Variants in PDE4D observed in about 807,000 individuals in gnomAD.
PDE4D encodes the protein 3',5'-cyclic-AMP phosphodiesterase 4D.
PDE4D carries 24 observed loss-of-function variants against 87.4 expected under a neutral mutation model. That is an observed-to-expected ratio of 0.27 (90% CI 0.20 to 0.39). The LOEUF (loss-of-function observed/expected upper bound fraction) is 0.39, where lower values mean the gene tolerates loss of function less well. Among genes scored for constraint, PDE4D ranks in the 10% least tolerant of loss-of-function variants. The pLI is 1.00. For synonymous variants in PDE4D, 384 were observed against 383.2 expected, an observed-to-expected ratio of 1.00 and a Z score of -0.02; for missense variants, 714 against 1,041.0, an observed-to-expected ratio of 0.69 and a Z score of 4.32.
chr5:59,767,258 TTTG>T (rs776974614), intron 1 of PDE4D, among the ~76,000 whole-genome samples: 12 of 152,300 alleles, frequency 7.9e-5, no homozygotes, highest in Non-Finnish European at 1.0e-4. Flanking sequence ...CTCATTCTTT[TTTG>T]TTATGTTTTC....
chr5:59,020,850 C>T (rs1334349231), intron 6 of PDE4D, among the ~76,000 whole-genome samples: 2 of 152,120 alleles, frequency 1.3e-5, no homozygotes, highest in East Asian at 1.9e-4. Context: ...CTGTGGCTAG[C>T]GTCAGACTCA....
At chr5:59,797,982 T>C (rs1025986828) in intron 1 of PDE4D, among the ~76,000 whole-genome samples, 1 of 152,082 alleles carries the variant, frequency 6.6e-6, no homozygotes, top group African/African-American at 2.4e-5. Context: ...GCACTTGTAA[T>C]CCCAGCACTT....
chr5:59,574,062 AT>A (rs1407046963), intron 1 of PDE4D, among the ~76,000 whole-genome samples: 2 of 30,830 alleles, frequency 6.5e-5, no homozygotes, highest in East Asian at 2.5e-3. Context: ...ATATATAAAA[AT>A]ATATATATTT....
chr5:59,826,439 A>G (rs1770331967), intron 1 of PDE4D, among the ~76,000 whole-genome samples: 1 of 152,156 alleles, frequency 6.6e-6, no homozygotes. Context: ...ATTTATGCAA[A>G]ATTAATCTTA....
intron 2 of PDE4D, among the ~76,000 whole-genome samples, chr5:60,067,782 A>C (rs932991057): frequency 1.3e-5 from 2 of 152,064 alleles, no homozygotes; most frequent in Non-Finnish European, 2.9e-5. Context: ...TATGAATTTG[A>C]CTATTTTAGA....
chr5:59,647,052 A>C (rs1742580999), intron 1 of PDE4D, among the ~76,000 whole-genome samples: 1 of 152,280 alleles, frequency 6.6e-6, no homozygotes, highest in East Asian at 1.9e-4. Context: ...AACAAAAAAA[A>C]ATTTGTAGAC....
intron 5 of PDE4D, among the ~76,000 whole-genome samples, chr5:59,133,939 G>A (rs745545179): frequency 5.3e-5 from 8 of 151,960 alleles, no homozygotes; most frequent in Admixed American, 6.6e-5. Flanking sequence ...AATGTTTTAC[G>A]ACACAGCCTC....
At chr5:60,359,710 T>C (rs1057188312) in intron 1 of PDE4D, among the ~76,000 whole-genome samples, 3 of 152,220 alleles carry the variant, frequency 2.0e-5, no homozygotes, top group Admixed American at 1.3e-4. Flanking sequence ...CTGACCTTTA[T>C]AGACAGTCAG....
intron 2 of PDE4D, among the ~76,000 whole-genome samples, chr5:60,159,495 C>T (rs1782289444): frequency 6.6e-6 from 1 of 152,028 alleles, no homozygotes; most frequent in African/African-American, 2.4e-5. Context: ...TTTTATATCA[C>T]CGGCCATGCA....
intron 1 of PDE4D, chr5:59,587,083 C>G: frequency 1.4e-6 from 1 of 724,642 alleles, no homozygotes; most frequent in African/African-American, 1.9e-5. Flanking sequence ...TTACCATTAA[C>G]TACCATCATG....
At chr5:59,547,573 T>C (rs1283693116) in intron 1 of PDE4D, among the ~76,000 whole-genome samples, 2 of 152,180 alleles carry the variant, frequency 1.3e-5, no homozygotes, top group Non-Finnish European at 2.9e-5. Flanking sequence ...AATTCCTTTT[T>C]CCTTTCAAAA....
intron 1 of PDE4D, among the ~76,000 whole-genome samples, chr5:59,617,478 T>C (rs185480865): frequency 1.3e-5 from 2 of 152,312 alleles, no homozygotes; most frequent in African/African-American, 2.4e-5. Flanking sequence ...CGTGAGAATG[T>C]GACCTTACTG....
chr5:59,129,909 G>T (rs1776036905), intron 5 of PDE4D, among the ~76,000 whole-genome samples: 2 of 152,098 alleles, frequency 1.3e-5, no homozygotes, highest in Non-Finnish European at 2.9e-5. Context: ...GGTTAGAGAT[G>T]ATGTTTACTA....
chr5:59,086,964 C>A (rs992260399), intron 5 of PDE4D, among the ~76,000 whole-genome samples: 6 of 152,138 alleles, frequency 3.9e-5, no homozygotes, highest in African/African-American at 1.2e-4. Context: ...TCTACCTCCA[C>A]ATCAACATTT....
At chr5:59,475,040 T>C (rs1461527978) in intron 1 of PDE4D, among the ~76,000 whole-genome samples, 1 of 152,054 alleles carries the variant, frequency 6.6e-6, no homozygotes, top group Non-Finnish European at 1.5e-5. Flanking sequence ...TAAAGGAATC[T>C]TCAAGTCATG....
intron 2 of PDE4D, among the ~76,000 whole-genome samples, chr5:59,995,570 C>G (rs201363544): frequency 2.6e-5 from 4 of 152,220 alleles, no homozygotes; most frequent in Admixed American, 2.6e-4. Flanking sequence ...TCCACCGCCT[C>G]GGCCTCCCAA....
intron 1 of PDE4D, among the ~76,000 whole-genome samples, chr5:59,560,581 A>T (rs1377682743): frequency 6.6e-6 from 1 of 152,230 alleles, no homozygotes; most frequent in Non-Finnish European, 1.5e-5. Context: ...AGTAAGAATT[A>T]GGTTCAAGTT....
chr5:60,303,603 G>A (rs1329909232), intron 1 of PDE4D, among the ~76,000 whole-genome samples: 5 of 152,068 alleles, frequency 3.3e-5, no homozygotes, highest in South Asian at 4.1e-4. Flanking sequence ...CACCGCGCCC[G>A]GCCTCTATGT....
At chr5:60,293,048 C>A (rs1483532165) in intron 1 of PDE4D, among the ~76,000 whole-genome samples, 1 of 151,530 alleles carries the variant, frequency 6.6e-6, no homozygotes, top group African/African-American at 2.4e-5. Context: ...CTCTTTCACC[C>A]ACGCTAGAGT....
Sources: allele counts gnomAD v4.1 joint callset (sites outside exome capture counted in the v4.1 genomes callset), GRCh38; gene constraint gnomAD v4.1.1; transcripts MANE v1.5; gene names NCBI Gene and HGNC (gene_info 2026-07-23, HGNC 2026-07-21).